The following ZFHX4 variants were observed in gnomAD, a reference collection of about 807,000 sequenced individuals.
ZFHX4 encodes the protein zinc finger homeobox protein 4.
In ZFHX4, 56 loss-of-function variants were observed where a neutral mutation model predicts 267.6. The ratio of observed to expected loss-of-function variants is 0.21; its 90% CI spans 0.17 to 0.26. The LOEUF is 0.26. Among genes scored for constraint, ZFHX4 ranks in the 10% least tolerant of loss-of-function variants. The probability of loss-of-function intolerance (pLI) is 1.00; values close to 1 mark genes in which losing one functional copy is unlikely to be tolerated. For missense variants in ZFHX4, 4,332 were observed against 4,420.0 expected, an observed-to-expected ratio of 0.98 and a Z score of 0.56; for synonymous variants, 1,778 against 1,665.6, an observed-to-expected ratio of 1.07 and a Z score of -1.64.
chr8:76,863,553 G>C lies in ZFHX4; in HGVS notation c.9839G>C (p.Gly3280Ala). 6.2e-7 allele frequency: 1 copy of C among 1,613,690 alleles called. No homozygotes were observed. The highest frequency in any genetic ancestry group is 1.3e-5 in the African/African-American group (1 of 74,996). ...FASYFTPQLP[G>A]TVQGGYFPPV... ...TCTTATTTTACACCTCAGCTCCCTG[G>C]AACAGTGCAGGGGGGATACTTCCCA... Residue 3280 changes from glycine to alanine, a missense_variant, in exon 11 of 11, where the codon GGA (glycine) becomes GCA (alanine). Gly to Ala is a moderately conservative substitution (Grantham distance 60). Transcript: ENST00000651372.
Position 76,852,572 on chromosome 8 carries a change from A to T in ZFHX4, c.5651A>T (p.Asp1884Val). 3.7e-6 allele frequency: 6 copies of T among 1,611,692 alleles called. No individual in the cohort carries two copies. Among genetic ancestry groups the T allele is most frequent in the Non-Finnish European group, 5.1e-6 (6 of 1,178,720 alleles). Reference sequence around the variant, plus strand: ...GGTGAAGGACTCAAAGAAGGCAAAGACACAAAGAAGCAAAAATCCTTGGAA... The same window carrying T: ...GGTGAAGGACTCAAAGAAGGCAAAGTCACAAAGAAGCAAAAATCCTTGGAA... ...SEGEGLKEGK[D>V]TKKQKSLEPS... The change falls in exon 10 of 11, where the codon GAC becomes GTC. Residue 1884 changes from aspartate to valine, a missense_variant. Around this residue, in one of 7 missense-constraint regions of ZFHX4, gnomAD observed 1,371 missense variants for 1,423.1 expected, o/e 0.96. Transcript: ENST00000651372.
At chr8:76,858,329 T>C (rs1812783869) in intron 10 of ZFHX4, among the ~76,000 whole-genome samples, 2 of 152,252 alleles carry the variant, frequency 1.3e-5, no homozygotes, top group African/African-American at 2.4e-5. Context: ...AGTGAGAAGA[T>C]GTTGGAGGCA....
chr8:76,714,460 C>T (rs1366920017), intron 3 of ZFHX4, among the ~76,000 whole-genome samples: 1 of 152,094 alleles, frequency 6.6e-6, no homozygotes, highest in Non-Finnish European at 1.5e-5. Context: ...TGCCTGCCCC[C>T]CAAATTATCA....
At chr8:76,715,230 C>T (rs1455269952) in intron 3 of ZFHX4, among the ~76,000 whole-genome samples, 4 of 151,964 alleles carry the variant, frequency 2.6e-5, no homozygotes, top group Admixed American at 6.5e-5. Flanking sequence ...TGGTGGCTCA[C>T]GCCTGTGATC....
At chr8:76,846,308 A>G (rs936351197) in intron 6 of ZFHX4, among the ~76,000 whole-genome samples, 1 of 151,976 alleles carries the variant, frequency 6.6e-6, no homozygotes, top group Non-Finnish European at 1.5e-5. Context: ...TCCTCTTACT[A>G]TCAGTGCCAT....
chr8:76,864,285 A>G lies in ZFHX4; in HGVS notation c.10571A>G (p.Lys3524Arg). 1 of 1,613,750 alleles carries G rather than the reference A, an allele frequency of 6.2e-7. No individual in the cohort carries two copies. Among genetic ancestry groups the G allele is most frequent in the East Asian group, 2.2e-5 (1 of 44,866 alleles). The change falls in exon 11 of 11, where the codon AAG (lysine) becomes AGG (arginine). Residue 3524 changes from lysine (K) to arginine (R), a missense_variant. Lys to Arg is a conservative substitution (Grantham distance 26). Around this residue, in one of 7 missense-constraint regions of ZFHX4, gnomAD observed 1,648 missense variants for 1,625.0 expected, o/e 1.01. Transcript: ENST00000651372. ...TYPHLSCFSM[K>R]SWPNILFQAS... ...CCTCATCTTTCTTGCTTCTCCATGA[A>G]GTCCTGGCCTAATATCCTTTTCCAA... is the stretch of plus-strand genomic sequence containing the variant.
intron 10 of ZFHX4, among the ~76,000 whole-genome samples, chr8:76,860,676 C>A (rs1003426367): frequency 6.6e-6 from 1 of 151,956 alleles, no homozygotes; most frequent in Non-Finnish European, 1.5e-5. Flanking sequence ...AGCTGGCTAC[C>A]AATGTAATAT....
intron 3 of ZFHX4, among the ~76,000 whole-genome samples, chr8:76,754,883 C>T (rs1448344420): frequency 6.6e-6 from 1 of 152,144 alleles, no homozygotes; most frequent in African/African-American, 2.4e-5. Flanking sequence ...AATTCACTCT[C>T]TACTTCAATG....
chr8:76,690,990 T>C (rs1459138106), intron 1 of ZFHX4, among the ~76,000 whole-genome samples: 3 of 152,068 alleles, frequency 2.0e-5, no homozygotes, highest in Non-Finnish European at 4.4e-5. Context: ...ATATGGGCTA[T>C]TGAATTAAAG....
chr8:76,853,088 C>A lies in ZFHX4; in HGVS notation c.6167C>A (p.Pro2056His). 2 of 1,473,456 alleles carry A rather than the reference C, an allele frequency of 1.4e-6. No homozygotes were observed. Among genetic ancestry groups the A allele is most frequent in the Non-Finnish European group, 1.8e-6 (2 of 1,083,194 alleles). The allele number at this position is 1,473,456 out of a possible 1,614,324, so 91.3% of individuals were successfully genotyped here. Residue 2056 changes from proline to histidine, a missense_variant, in exon 10 of 11, where the codon CCC becomes CAC. This residue lies in a region of ZFHX4 where 1,371 missense variants were observed against 1,423.1 expected (regional missense o/e 0.96). Coordinates refer to ENST00000651372, the MANE Select transcript of ZFHX4 (RefSeq NM_024721.5). Reference protein sequence around the residue: ...PPPPPPPPPPPPPPPPSAPPQ... With the variant: ...PPPPPPPPPPHPPPPPSAPPQ... ...CCTCCTCCTCCTCCTCCTCCTCCCC[C>A]CCCACCTCCTCCACCTTCTGCTCCT...
At position 76,748,203 on chromosome 8, in the gene ZFHX4, CTCTG is replaced by C. The variant is rs146643738; in HGVS notation, c.3094-29999_3094-29996del. On this transcript the variant is annotated intron_variant, in intron 3 of 10. Coordinates refer to ENST00000651372, the MANE Select transcript of ZFHX4 (RefSeq NM_024721.5). ...GATGACTCATAAGATCTTTATCCCT[CTCTG>C]TCTGTGTGTCTCATATCTGTAAGTC... Among the ~76,000 whole-genome samples the C allele has an allele frequency of 8.2e-3, 1,241 of 152,226 alleles. 9 individuals are homozygous for C. Among genetic ancestry groups the C allele is most frequent in the Non-Finnish European group, 0.012 (809 of 68,020 alleles).
intron 3 of ZFHX4, among the ~76,000 whole-genome samples, chr8:76,729,027 C>T (rs1265507257): frequency 6.6e-6 from 1 of 152,142 alleles, no homozygotes; most frequent in Non-Finnish European, 1.5e-5. Context: ...AATGCTAAAG[C>T]ATTGGTACAT....
At chr8:76,684,771 ATGAGCCCAAATC>A (rs1807649604) in intron 1 of ZFHX4, among the ~76,000 whole-genome samples, 1 of 152,240 alleles carries the variant, frequency 6.6e-6, no homozygotes, top group Admixed American at 6.5e-5. Flanking sequence ...TTTTTAGCAG[ATGAGCCCAAATC>A]TGTTCATTAA....
intron 1 of ZFHX4, among the ~76,000 whole-genome samples, chr8:76,703,168 A>G (rs1041922331): frequency 6.6e-6 from 1 of 152,034 alleles, no homozygotes; most frequent in Non-Finnish European, 1.5e-5. Context: ...TTTCATTGGG[A>G]GTGCTTGTGT....
Position 76,852,690 on chromosome 8 carries a change from G to A in ZFHX4, c.5769G>A (p.Gln1923=), listed in dbSNP as rs375141797. The A allele has an allele frequency of 1.9e-6, 3 of 1,613,790 alleles. No individual in the cohort carries two copies. The highest frequency in any genetic ancestry group is 2.5e-6 in the Non-Finnish European group (3 of 1,179,848). The part of the protein sequence containing the change: ...LENFGFELVI[Q]YNENRQKVQK... ...ACTTTGGTTTTGAACTGGTCATTCA[G>A]TATAACGAAAACAGGCAGAAGGTAC... The change falls in exon 10 of 11, where the codon CAG becomes CAA. Residue 1923 remains glutamine (Q), a synonymous_variant. Coordinates refer to ENST00000651372, the MANE Select transcript of ZFHX4 (RefSeq NM_024721.5).
chr8:76,821,736 G>A (rs1048412262), intron 4 of ZFHX4, among the ~76,000 whole-genome samples: 8 of 152,034 alleles, frequency 5.3e-5, no homozygotes, highest in African/African-American at 9.7e-5. Context: ...CTAAAAGTTG[G>A]CCTGCTGTAT....
rs1457562277 is a variant in ZFHX4 at position 76,863,859 on chromosome 8, A to G, written c.10145A>G (p.Gln3382Arg). 4 of 1,557,392 alleles carry G rather than the reference A, an allele frequency of 2.6e-6. No individual in the cohort carries two copies. The highest frequency in any genetic ancestry group is 1.9e-5 in the Admixed American group (1 of 51,318). ...TATESTKEEP[Q>R]LESKSADFSD... Reference sequence around the variant, plus strand: ...ACAGAAAGCACAAAAGAAGAACCCCAGTTAGAATCCAAAAGTGCAGACTTT... The same window carrying G: ...ACAGAAAGCACAAAAGAAGAACCCCGGTTAGAATCCAAAAGTGCAGACTTT... Residue 3382 changes from glutamine (Q) to arginine (R), a missense_variant, in exon 11 of 11, where the codon CAG becomes CGG. Gln to Arg is a conservative substitution (Grantham distance 43). Coordinates refer to ENST00000651372, the MANE Select transcript of ZFHX4 (RefSeq NM_024721.5).
At chr8:76,723,834 A>G (rs1808785775) in intron 3 of ZFHX4, among the ~76,000 whole-genome samples, 1 of 152,136 alleles carries the variant, frequency 6.6e-6, no homozygotes, top group Non-Finnish European at 1.5e-5. Flanking sequence ...ATTTGTGTAC[A>G]TGAAACTCTT....
intron 10 of ZFHX4, among the ~76,000 whole-genome samples, chr8:76,857,187 A>G (rs1223137859): frequency 6.6e-6 from 1 of 152,084 alleles, no homozygotes; most frequent in East Asian, 1.9e-4. Context: ...ATAACGTGCT[A>G]GCCAATCATG....
Sources: gnomAD v4.1 joint callset for allele counts (sites outside exome capture counted in the v4.1 genomes callset) on GRCh38, gnomAD v4.1.1 for gene constraint, gnomAD v4.1.1 regional missense constraint, MANE v1.5 for transcripts, NCBI Gene and HGNC (gene_info 2026-07-23, HGNC 2026-07-21) for gene names.